TMEM156: variants seen among roughly 807,000 people sequenced by gnomAD.
The protein encoded by TMEM156 is transmembrane protein 156.
Under a neutral mutation model 30.5 loss-of-function variants are expected in TMEM156, and 28 were observed. The observed-to-expected ratio is 0.92, with a 90% CI of 0.68 to 1.26. TMEM156 has a LOEUF of 1.26. Ranked by LOEUF, TMEM156 falls within the 50% of genes most tolerant of loss-of-function variation. The pLI is 0.00. For synonymous variants in TMEM156, 137 were observed against 119.9 expected, an observed-to-expected ratio of 1.14 and a Z score of -0.93; for missense variants, 351 against 340.6, an observed-to-expected ratio of 1.03 and a Z score of -0.24.
chr4:39,007,173 G>A (rs7662121), intron 1 of TMEM156, among the ~76,000 whole-genome samples: 57,737 of 151,940 alleles, frequency 0.38, 11,222 homozygotes, highest in South Asian at 0.5. Context: ...CTTTGCAAAG[G>A]TATCATGCTG....
At chr4:38,973,269 T>A (rs1386321045) in intron 5 of TMEM156, among the ~76,000 whole-genome samples, 4 of 152,194 alleles carry the variant, frequency 2.6e-5, no homozygotes, top group African/African-American at 9.7e-5. Flanking sequence ...ATGAACTTGT[T>A]TATTTCAAAA....
intron 1 of TMEM156, among the ~76,000 whole-genome samples, chr4:39,024,071 T>C (rs1715046523): frequency 6.6e-6 from 1 of 152,182 alleles, no homozygotes. Context: ...AGTCTCGCTG[T>C]TCCGCCCAGG....
chr4:38,974,781 C>T (rs1722769303), intron 5 of TMEM156, among the ~76,000 whole-genome samples: 1 of 151,678 alleles, frequency 6.6e-6, no homozygotes, highest in African/African-American at 2.4e-5. Flanking sequence ...AAGAGACTTC[C>T]TGTCTCAGCC....
intron 1 of TMEM156, among the ~76,000 whole-genome samples, chr4:39,030,271 G>T (rs1381805004): frequency 1.3e-5 from 2 of 151,998 alleles, no homozygotes; most frequent in Non-Finnish European, 1.5e-5. Flanking sequence ...GCCATTTTAA[G>T]TTTGGGAAGG....
chr4:39,006,534 G>C (rs985789194), intron 1 of TMEM156, among the ~76,000 whole-genome samples: 3 of 151,994 alleles, frequency 2.0e-5, no homozygotes, highest in African/African-American at 7.2e-5. Flanking sequence ...TGTGTCTGAA[G>C]TCCTTCTTCC....
rs184259090 is a variant in TMEM156 at position 39,000,951 on chromosome 4, C to G, written c.89-2042G>C. 1.3e-3 allele frequency among the ~76,000 whole-genome samples: 200 copies of G among 152,128 alleles called. 1 individual carries two copies. The highest frequency in any genetic ancestry group is 3.1e-3 in the Admixed American group (47 of 15,272). Reference sequence around the variant, plus strand: ...TCCAAAGTAAAAATTTTAAATTCATCTTTCCTTTAGGACAGAATTATCTAT... The same window carrying G: ...TCCAAAGTAAAAATTTTAAATTCATGTTTCCTTTAGGACAGAATTATCTAT... On this transcript the variant is annotated intron_variant, in intron 1 of 6. Coordinates refer to ENST00000381938, the MANE Select transcript of TMEM156 (RefSeq NM_024943.3).
Position 38,967,311 on chromosome 4 carries a change from T to G in TMEM156, c.*369A>C, listed in dbSNP as rs1722390699. 6.6e-6 allele frequency: 1 copy of G among 152,194 alleles called. No individual in the cohort carries two copies. Among genetic ancestry groups the G allele is most frequent in the African/African-American group, 2.4e-5 (1 of 41,438 alleles). 9.4% of individuals were successfully genotyped at this position (152,194 alleles called of 1,614,324 possible). On this transcript the variant is annotated 3_prime_UTR_variant, in exon 7 of 7. Transcript: ENST00000381938. The stretch of plus-strand genomic sequence containing the variant: ...TTTCATATTTGATCCTGTTTTTGGT[T>G]CCTCAAAATTAAAAACTTGGCTCCA...
intron 5 of TMEM156, among the ~76,000 whole-genome samples, chr4:38,977,538 C>T (rs776391830): frequency 1.3e-4 from 20 of 152,192 alleles, no homozygotes; most frequent in Non-Finnish European, 2.9e-4. Context: ...TTAATGCCTT[C>T]TTCAGAATAG....
At chr4:38,993,062 A>G (rs374004888) in intron 3 of TMEM156, among the ~76,000 whole-genome samples, 7 of 151,664 alleles carry the variant, frequency 4.6e-5, no homozygotes, top group African/African-American at 1.5e-4. Context: ...CACCCAGCCA[A>G]TATTCATATT....
intron 1 of TMEM156, among the ~76,000 whole-genome samples, chr4:39,020,027 G>A (rs1475689960): frequency 6.6e-6 from 1 of 152,076 alleles, no homozygotes; most frequent in African/African-American, 2.4e-5. Context: ...AACTCTTTAC[G>A]ACTCCATATA....
intron 3 of TMEM156, among the ~76,000 whole-genome samples, chr4:38,990,845 T>TTGTTTTG (rs1309338932): frequency 3.7e-5 from 5 of 135,342 alleles, no homozygotes; most frequent in Admixed American, 7.4e-5. Context: ...TTTTTTTTTT[T>TTGTTTTG]TTTTTTTTGA....
intron 1 of TMEM156, among the ~76,000 whole-genome samples, chr4:39,012,284 A>G (rs1714179554): frequency 6.6e-6 from 1 of 152,214 alleles, no homozygotes; most frequent in East Asian, 1.9e-4. Context: ...TATCACATTT[A>G]TTTGCAAATT....
chr4:38,969,311 C>G (rs1278840984), intron 6 of TMEM156, among the ~76,000 whole-genome samples: 1 of 152,204 alleles, frequency 6.6e-6, no homozygotes. Flanking sequence ...TTAGCTCTCA[C>G]CTACAAGTGG....
chr4:39,026,298 G>T (rs1435517262), intron 1 of TMEM156, among the ~76,000 whole-genome samples: 1 of 151,922 alleles, frequency 6.6e-6, no homozygotes, highest in African/African-American at 2.4e-5. Context: ...AGGATCACTT[G>T]AACCCAGGAA....
At chr4:38,968,619 C>A (rs529934010) in intron 6 of TMEM156, among the ~76,000 whole-genome samples, 8 of 152,264 alleles carry the variant, frequency 5.3e-5, no homozygotes, top group African/African-American at 1.9e-4. Flanking sequence ...TGAGAGGTCT[C>A]GAGCATAATA....
intron 1 of TMEM156, among the ~76,000 whole-genome samples, chr4:39,019,584 C>T (rs1714727916): frequency 1.3e-5 from 2 of 152,090 alleles, no homozygotes; most frequent in Non-Finnish European, 1.5e-5. Flanking sequence ...CGAATTGTTG[C>T]TATTTTTGCT....
chr4:39,004,367 C>A (rs1339844942), intron 1 of TMEM156, among the ~76,000 whole-genome samples: 1 of 152,062 alleles, frequency 6.6e-6, no homozygotes, highest in Admixed American at 6.5e-5. Flanking sequence ...CATCAACTAC[C>A]TTTCTTTTTA....
chr4:38,981,863 C>T (rs1398592747), intron 5 of TMEM156, among the ~76,000 whole-genome samples: 1 of 152,254 alleles, frequency 6.6e-6, no homozygotes, highest in African/African-American at 2.4e-5. Flanking sequence ...ATGGTATGTG[C>T]CCATTATATC....
chr4:39,032,165 C>A, intron 1 of TMEM156, 61 bp downstream of exon 1: 1 of 1,043,580 alleles, frequency 9.6e-7, no homozygotes, highest in East Asian at 2.6e-5. Flanking sequence ...TCTGTAACCA[C>A]TAGCTGACAC....
Sources: gnomAD v4.1 joint callset for allele counts (sites outside exome capture counted in the v4.1 genomes callset) on GRCh38, gnomAD v4.1.1 for gene constraint, MANE v1.5 for transcripts, NCBI Gene and HGNC (gene_info 2026-07-23, HGNC 2026-07-21) for gene names.